RELL1: variants seen among roughly 807,000 people sequenced by gnomAD.
RELL1 encodes RELT like 1.
A neutral mutation model predicts 23.0 loss-of-function variants in RELL1; 10 were observed. The observed-to-expected ratio is 0.43, with a 90% CI of 0.27 to 0.74. The LOEUF (loss-of-function observed/expected upper bound fraction) is 0.74. RELL1 is among the 30% of genes least tolerant of loss of function. The probability of loss-of-function intolerance (pLI) is 0.19; values close to 1 mark genes in which losing one functional copy is unlikely to be tolerated. For missense variants in RELL1, 315 were observed against 364.4 expected (o/e 0.86, Z 1.10); for synonymous variants, 146 against 146.8 (o/e 0.99, Z 0.04).
chr4:37,640,133 C>T (rs1003021328), intron 3 of RELL1, among the ~76,000 whole-genome samples: 1 of 152,218 alleles, frequency 6.6e-6, no homozygotes, highest in Non-Finnish European at 1.5e-5. Flanking sequence ...CATTGCAACC[C>T]TTGAGAACAT....
Position 37,686,280 on chromosome 4 carries a change from G to A in RELL1, c.8C>T (p.Pro3Leu), listed in dbSNP as rs1391054376. The A allele has an allele frequency of 1.3e-6, 2 of 1,531,222 alleles. No homozygotes were observed. Among genetic ancestry groups the A allele is most frequent in the Admixed American group, 1.9e-5 (1 of 51,312 alleles). 94.9% of individuals were successfully genotyped at this position (1,531,222 alleles called of 1,614,324 possible). The change falls in exon 1 of 7, where the codon CCG (proline) becomes CTG (leucine). Residue 3 changes from proline (P) to leucine (L), a missense_variant. Physicochemically the swap from Pro to Leu is moderately conservative, Grantham distance 98. Coordinates refer to ENST00000454158, the MANE Select transcript of RELL1 (RefSeq NM_001085400.2). MA[P>L]RALPGSAVLA... The stretch of plus-strand genomic sequence containing the variant: ...GACGGCGGACCCCGGGAGTGCCCGC[G>A]GAGCCATCGCCGCGTCGCTTCGCCC...
intron 3 of RELL1, among the ~76,000 whole-genome samples, chr4:37,646,581 CAG>C (rs1720716324): frequency 6.6e-6 from 1 of 152,100 alleles, no homozygotes; most frequent in South Asian, 2.1e-4. Flanking sequence ...AAAATGGTAA[CAG>C]TACTAAATTT....
At chr4:37,655,835 G>A (rs949690597) in intron 1 of RELL1, among the ~76,000 whole-genome samples, 1 of 152,242 alleles carries the variant, frequency 6.6e-6, no homozygotes, top group Non-Finnish European at 1.5e-5. Flanking sequence ...AGAAAGGAAT[G>A]AGTTTCCAGA....
intron 1 of RELL1, among the ~76,000 whole-genome samples, chr4:37,668,771 G>A: frequency 7.4e-6 from 1 of 135,360 alleles, no homozygotes; most frequent in South Asian, 2.1e-4. Flanking sequence ...AGGAAGTGAG[G>A]AGCGCCTCTT....
intron 6 of RELL1, among the ~76,000 whole-genome samples, chr4:37,598,738 G>A (rs2109482850): frequency 6.6e-6 from 1 of 152,098 alleles, no homozygotes; most frequent in South Asian, 2.1e-4. Flanking sequence ...AGGCTGGAGT[G>A]CAGTGGTGTG....
intron 1 of RELL1, among the ~76,000 whole-genome samples, chr4:37,660,371 T>C (rs1166056544): frequency 6.6e-6 from 1 of 152,062 alleles, no homozygotes; most frequent in East Asian, 1.9e-4. Context: ...CACAATTCAC[T>C]CTGGGCTGAC....
chr4:37,683,783 TAAAC>T (rs780314820), intron 1 of RELL1, among the ~76,000 whole-genome samples: 47 of 141,298 alleles, frequency 3.3e-4, no homozygotes, highest in African/African-American at 6.4e-4. Flanking sequence ...TAAAAATAAA[TAAAC>T]AAATAAAAAT....
chr4:37,632,104 A>AAG (rs1478893059), intron 5 of RELL1, among the ~76,000 whole-genome samples: 1 of 150,930 alleles, frequency 6.6e-6, no homozygotes, highest in Non-Finnish European at 1.5e-5. Context: ...AAAAAAAAAA[A>AAG]AAAAACACCT....
intron 1 of RELL1, among the ~76,000 whole-genome samples, chr4:37,666,326 C>T (rs1036414957): frequency 2.0e-5 from 3 of 152,158 alleles, no homozygotes; most frequent in Non-Finnish European, 4.4e-5. Flanking sequence ...CCCTATGAAG[C>T]ATGGAAGCAA....
At chr4:37,665,737 T>A (rs1560354630) in intron 1 of RELL1, among the ~76,000 whole-genome samples, 1 of 152,040 alleles carries the variant, frequency 6.6e-6, no homozygotes, top group South Asian at 2.1e-4. Flanking sequence ...AGAAATGGGG[T>A]CAAAGGGGTG....
downstream of RELL1, among the ~76,000 whole-genome samples, chr4:37,589,159 A>G (rs1718469779): frequency 6.6e-6 from 1 of 152,178 alleles, no homozygotes; most frequent in Non-Finnish European, 1.5e-5. Flanking sequence ...TGGGTTTCTG[A>G]GGATGCCTGA....
intron 1 of RELL1, among the ~76,000 whole-genome samples, chr4:37,684,742 C>T (rs529524313): frequency 4.7e-4 from 72 of 152,014 alleles, no homozygotes; most frequent in Admixed American, 5.2e-4. Context: ...CACTTGAGGT[C>T]GGGAGTTCGA....
chr4:37,653,382 T>C (rs1721016729), intron 1 of RELL1, among the ~76,000 whole-genome samples: 1 of 148,766 alleles, frequency 6.7e-6, no homozygotes, highest in African/African-American at 2.5e-5. Flanking sequence ...TCAATACAAG[T>C]ATTGAAACCT....
chr4:37,636,295 A>G (rs531542553), intron 4 of RELL1, among the ~76,000 whole-genome samples: 29 of 152,324 alleles, frequency 1.9e-4, no homozygotes, highest in Admixed American at 1.8e-3. Context: ...ACCATCCAAA[A>G]TATAAAAAGC....
At chr4:37,677,258 C>G (rs556627032) in intron 1 of RELL1, among the ~76,000 whole-genome samples, 1 of 152,358 alleles carries the variant, frequency 6.6e-6, no homozygotes, top group African/African-American at 2.4e-5. Context: ...GGATCCACTT[C>G]CATAGACAGT....
chr4:37,618,432 G>T (rs1479052265), intron 6 of RELL1, among the ~76,000 whole-genome samples: 1 of 151,476 alleles, frequency 6.6e-6, no homozygotes, highest in South Asian at 2.1e-4. Context: ...TAGAGACAGG[G>T]TCACTATGTT....
intron 1 of RELL1, among the ~76,000 whole-genome samples, chr4:37,653,135 T>C (rs566669156): frequency 2.0e-5 from 3 of 152,280 alleles, no homozygotes; most frequent in African/African-American, 7.2e-5. Flanking sequence ...TTTCCTTTTG[T>C]TCTTAGGCAG....
intron 3 of RELL1, among the ~76,000 whole-genome samples, chr4:37,645,498 A>T (rs1203098156): frequency 6.6e-6 from 1 of 152,226 alleles, no homozygotes; most frequent in East Asian, 1.9e-4. Context: ...ATCAAAATCC[A>T]AGTATTCTGG....
At chr4:37,669,706 T>C (rs28372137) in intron 1 of RELL1, among the ~76,000 whole-genome samples, 35,511 of 152,160 alleles carry the variant, frequency 0.23, 4,328 homozygotes, top group South Asian at 0.33. Flanking sequence ...TCTTCTACCT[T>C]GGGATCCTGT....
Sources: allele counts gnomAD v4.1 joint callset (sites outside exome capture counted in the v4.1 genomes callset), GRCh38; gene constraint gnomAD v4.1.1; transcripts MANE v1.5; gene names NCBI Gene and HGNC (gene_info 2026-07-23, HGNC 2026-07-21).